NCK2: variants seen among roughly 807,000 people sequenced by gnomAD.
The protein encoded by NCK2 is NCK adaptor protein 2.
Under a neutral mutation model 33.9 loss-of-function variants are expected in NCK2, and 16 were observed. The ratio of observed to expected loss-of-function variants is 0.47; its 90% CI spans 0.32 to 0.72. The LOEUF (loss-of-function observed/expected upper bound fraction) is 0.72. Ranked by LOEUF, NCK2 falls within the 30% of genes least tolerant of loss-of-function variation. NCK2 has a pLI of 0.03. For synonymous variants in NCK2, 273 were observed against 239.9 expected (o/e 1.14, Z -1.27); for missense variants, 418 against 537.3 (o/e 0.78, Z 2.19).
At chr2:105,767,917 G>A (rs549394457) in intron 1 of NCK2, among the ~76,000 whole-genome samples, 43 of 152,128 alleles carry the variant, frequency 2.8e-4, no homozygotes, top group African/African-American at 1.0e-3. Context: ...TCACATCCCC[G>A]GCTCTCATCC....
intron 2 of NCK2, among the ~76,000 whole-genome samples, chr2:105,826,555 G>A (rs1327138119): frequency 3.9e-5 from 6 of 152,116 alleles, no homozygotes; most frequent in African/African-American, 1.4e-4. Context: ...GTTTTTTAAT[G>A]CAAAAATGTA....
intron 2 of NCK2, among the ~76,000 whole-genome samples, chr2:105,837,713 C>T (rs1676485339): frequency 6.6e-6 from 1 of 152,166 alleles, no homozygotes; most frequent in African/African-American, 2.4e-5. Context: ...TTTACTTTGT[C>T]CAGCACATGA....
intron 4 of NCK2, among the ~76,000 whole-genome samples, chr2:105,883,560 G>A (rs1678595332): frequency 6.6e-6 from 1 of 152,138 alleles, no homozygotes. Flanking sequence ...ACTTTAGAGG[G>A]TAGATGAAAA....
intron 1 of NCK2, among the ~76,000 whole-genome samples, chr2:105,784,263 C>A (rs918930850): frequency 5.3e-5 from 8 of 152,216 alleles, no homozygotes; most frequent in Admixed American, 5.2e-4. Context: ...GACACCACGC[C>A]CGGCTGTTAT....
chr2:105,776,103 G>T (rs1023003300), intron 1 of NCK2, among the ~76,000 whole-genome samples: 5 of 152,156 alleles, frequency 3.3e-5, no homozygotes, highest in Non-Finnish European at 7.3e-5. Context: ...CACCTCTGGG[G>T]GTGTGGGTGC....
intron 2 of NCK2, among the ~76,000 whole-genome samples, chr2:105,818,194 T>C (rs1163782127): frequency 6.9e-6 from 1 of 145,256 alleles, no homozygotes; most frequent in East Asian, 2.0e-4. Flanking sequence ...AACCAAACAC[T>C]GCATGTTCTA....
Position 105,833,284 on chromosome 2 carries a change from A to G in NCK2, c.-17+16671A>G, listed in dbSNP as rs555806943. 1.9e-3 allele frequency among the ~76,000 whole-genome samples: 282 copies of G among 152,034 alleles called. 1 individual carries two copies. Among genetic ancestry groups the G allele is most frequent in the Non-Finnish European group, 3.6e-3 (246 of 67,984 alleles). On this transcript the variant is annotated intron_variant, in intron 2 of 4. Coordinates refer to ENST00000233154, the MANE Select transcript of NCK2 (RefSeq NM_003581.5). ...TAATTCTTTTGTACTTTTACTAGAG[A>G]TGAGCTTTCACCTTGTTGGCCAGGC...
At chr2:105,844,595 G>A (rs138120731) in intron 2 of NCK2, among the ~76,000 whole-genome samples, 5 of 150,242 alleles carry the variant, frequency 3.3e-5, no homozygotes, top group Non-Finnish European at 7.4e-5. Flanking sequence ...AAAAACAGCT[G>A]GGCATGGAGG....
At chr2:105,762,584 A>G (rs1573562281) in intron 1 of NCK2, among the ~76,000 whole-genome samples, 1 of 152,116 alleles carries the variant, frequency 6.6e-6, no homozygotes, top group Admixed American at 6.5e-5. Context: ...GTGGGAAAAA[A>G]CATCCTTATT....
chr2:105,854,512 G>A (rs1251434303), intron 2 of NCK2: 1 of 152,612 alleles, frequency 6.6e-6, no homozygotes, highest in East Asian at 1.9e-4. Context: ...ATTATTTATT[G>A]TTATTATTAT....
chr2:105,817,338 G>A (rs907828467), intron 2 of NCK2, among the ~76,000 whole-genome samples: 1 of 152,148 alleles, frequency 6.6e-6, no homozygotes, highest in Non-Finnish European at 1.5e-5. Flanking sequence ...ATCACCACAG[G>A]CACCAGACAA....
At chr2:105,764,495 G>C (rs1201496881) in intron 1 of NCK2, among the ~76,000 whole-genome samples, 5 of 152,236 alleles carry the variant, frequency 3.3e-5, no homozygotes, top group Non-Finnish European at 5.9e-5. Context: ...TGCCTCATCT[G>C]ACTGAGACAG....
At position 105,818,015 on chromosome 2, in the gene NCK2, A is replaced by T. The variant is rs988101190; in HGVS notation, c.-17+1402A>T. Among the ~76,000 whole-genome samples, 15 of 152,076 alleles carry T rather than the reference A, an allele frequency of 9.9e-5. No individual in the cohort carries two copies. The East Asian group carries it at 1.5e-3, about 16-fold the overall frequency. On this transcript the variant is annotated intron_variant, in intron 2 of 4. Coordinates refer to ENST00000233154, the MANE Select transcript of NCK2 (RefSeq NM_003581.5). ...TGCAGCACTACTCATAATAGCAAAGACTTGGAACCAACCCAAATGTCCAAC... is the reference window on the plus strand; with the variant it reads ...TGCAGCACTACTCATAATAGCAAAGTCTTGGAACCAACCCAAATGTCCAAC...
At chr2:105,859,138 G>C (rs1639703446) in intron 3 of NCK2, among the ~76,000 whole-genome samples, 1 of 152,186 alleles carries the variant, frequency 6.6e-6, no homozygotes, top group Admixed American at 6.5e-5. Context: ...TTTTGAGATG[G>C]GGAAGCTGCT....
At chr2:105,744,585 G>T (rs1460098427), upstream of NCK2, among the ~76,000 whole-genome samples, 1 of 151,952 alleles carries the variant, frequency 6.6e-6, no homozygotes, top group African/African-American at 2.4e-5. Flanking sequence ...CCGCCCGCAC[G>T]CAATTTCGGG....
chr2:105,807,225 G>T (rs1024492927), intron 1 of NCK2, among the ~76,000 whole-genome samples: 1 of 152,212 alleles, frequency 6.6e-6, no homozygotes, highest in Non-Finnish European at 1.5e-5. Context: ...GTCCTGTGAC[G>T]CACCTGCGTG....
intron 3 of NCK2, among the ~76,000 whole-genome samples, chr2:105,874,321 T>C (rs1297478118): frequency 6.6e-6 from 1 of 152,258 alleles, no homozygotes; most frequent in Non-Finnish European, 1.5e-5. Context: ...AGTTATATTC[T>C]GACTCTTATA....
chr2:105,785,211 C>T (rs1027753018), intron 1 of NCK2, among the ~76,000 whole-genome samples: 7 of 152,218 alleles, frequency 4.6e-5, no homozygotes, highest in Non-Finnish European at 8.8e-5. Flanking sequence ...ATCTCCTGAC[C>T]TCATGATCCG....
chr2:105,785,771 A>C (rs1690658642), intron 1 of NCK2, among the ~76,000 whole-genome samples: 1 of 152,154 alleles, frequency 6.6e-6, no homozygotes, highest in Non-Finnish European at 1.5e-5. Flanking sequence ...CCAAAATGTC[A>C]TTCTGAGGGT....
Sources: allele counts gnomAD v4.1 joint callset (sites outside exome capture counted in the v4.1 genomes callset), GRCh38; gene constraint gnomAD v4.1.1; transcripts MANE v1.5; gene names NCBI Gene and HGNC (gene_info 2026-07-23, HGNC 2026-07-21).